ASAP1: variants seen among roughly 807,000 people sequenced by gnomAD.
The protein encoded by ASAP1 is arf-GAP with SH3 domain, ANK repeat and PH domain-containing protein 1.
Under a neutral mutation model 145.2 loss-of-function variants are expected in ASAP1, and 43 were observed. The ratio of observed to expected loss-of-function variants is 0.30; its 90% CI spans 0.23 to 0.38. ASAP1 has a LOEUF of 0.38. ASAP1 is among the 10% of genes least tolerant of loss of function. ASAP1 has a pLI of 1.00. For synonymous variants in ASAP1, 546 were observed against 515.5 expected, an observed-to-expected ratio of 1.06 and a Z score of -0.80; for missense variants, 1,018 against 1,355.3, an observed-to-expected ratio of 0.75 and a Z score of 3.91.
At chr8:130,422,472 T>C (rs1829759582) in intron 1 of ASAP1, among the ~76,000 whole-genome samples, 1 of 152,232 alleles carries the variant, frequency 6.6e-6, no homozygotes, top group Non-Finnish European at 1.5e-5. Context: ...CCCTGGGCTG[T>C]GCTTGTCTCT....
chr8:130,155,369 T>A (rs992039701), intron 12 of ASAP1, among the ~76,000 whole-genome samples: 22 of 152,154 alleles, frequency 1.4e-4, no homozygotes, highest in African/African-American at 5.3e-4. Flanking sequence ...TATTGCCTGA[T>A]CTTTTGTGTG....
chr8:130,397,770 C>T (rs547119579), intron 2 of ASAP1, among the ~76,000 whole-genome samples: 1 of 152,324 alleles, frequency 6.6e-6, no homozygotes, highest in Admixed American at 6.5e-5. Context: ...GCAGATGAGC[C>T]TGTGGGGCTG....
intron 18 of ASAP1, among the ~76,000 whole-genome samples, chr8:130,118,998 AT>A (rs2097561032): frequency 1.3e-5 from 2 of 152,258 alleles, no homozygotes; most frequent in Non-Finnish European, 2.9e-5. Flanking sequence ...AAGCATATGA[AT>A]AAATTTAAAA....
At chr8:130,265,411 A>C (rs1820181106) in intron 3 of ASAP1, among the ~76,000 whole-genome samples, 1 of 151,600 alleles carries the variant, frequency 6.6e-6, no homozygotes, top group Non-Finnish European at 1.5e-5. Context: ...TCTCAACTAA[A>C]ATTTTTAAAA....
chr8:130,318,457 C>T (rs1823800418), intron 3 of ASAP1, among the ~76,000 whole-genome samples: 1 of 152,220 alleles, frequency 6.6e-6, no homozygotes, highest in Non-Finnish European at 1.5e-5. Flanking sequence ...CTACTATTGG[C>T]AAGCACTACT....
At chr8:130,299,007 A>G (rs143801261) in intron 3 of ASAP1, among the ~76,000 whole-genome samples, 2 of 152,310 alleles carry the variant, frequency 1.3e-5, no homozygotes, top group East Asian at 3.9e-4. Context: ...AAACACAAAT[A>G]AACAAACATC....
chr8:130,110,903 G>A (rs1250620550), intron 24 of ASAP1, among the ~76,000 whole-genome samples: 1 of 152,134 alleles, frequency 6.6e-6, no homozygotes, highest in African/African-American at 2.4e-5. Flanking sequence ...GGGAGCACGA[G>A]CTGAGCACAC....
At chr8:130,262,416 AAGAGAGAGAGAGAGAGAGAG>A (rs71513089) in intron 3 of ASAP1, among the ~76,000 whole-genome samples, 37 of 57,848 alleles carry the variant, frequency 6.4e-4, no homozygotes, top group African/African-American at 2.4e-3. Context: ...AAAAAAAAAA[AAGAGAGAGAGAGAGAGAGAG>A]AGAGAGAGAG....
intron 3 of ASAP1, among the ~76,000 whole-genome samples, chr8:130,325,459 T>A (rs1824265802): frequency 6.6e-6 from 1 of 152,226 alleles, no homozygotes; most frequent in African/African-American, 2.4e-5. Context: ...GTAGCACTTA[T>A]CATATTTTGT....
At chr8:130,076,530 C>T (rs2097462721) in intron 26 of ASAP1, 124 bp from the exon 27 acceptor site, 2 of 755,942 alleles carry the variant, frequency 2.6e-6, no homozygotes, top group Non-Finnish European at 4.2e-6. Context: ...TCAAAATTTC[C>T]TTTTTTTTTG....
At chr8:130,105,906 G>A (rs1356530999) in intron 24 of ASAP1, among the ~76,000 whole-genome samples, 1 of 152,206 alleles carries the variant, frequency 6.6e-6, no homozygotes. Context: ...CTATGACACT[G>A]ATAATTAAGA....
intron 4 of ASAP1, among the ~76,000 whole-genome samples, chr8:130,216,690 C>G (rs1302726223): frequency 1.3e-5 from 2 of 152,144 alleles, no homozygotes. Context: ...TACTTTCTAT[C>G]AGCTGATAAC....
At chr8:130,159,382 G>C (rs1048307380) in intron 12 of ASAP1, among the ~76,000 whole-genome samples, 1 of 151,836 alleles carries the variant, frequency 6.6e-6, no homozygotes, top group Non-Finnish European at 1.5e-5. Context: ...CAGCACTTTG[G>C]GAGGCTGAGG....
intron 29 of ASAP1, among the ~76,000 whole-genome samples, chr8:130,055,862 C>T (rs1486065777): frequency 6.6e-6 from 1 of 152,234 alleles, no homozygotes; most frequent in Admixed American, 6.5e-5. Context: ...TGAAGGCTTG[C>T]CCACCCACCG....
At chr8:130,186,040 T>C (rs1233695325) in intron 7 of ASAP1, among the ~76,000 whole-genome samples, 1 of 152,140 alleles carries the variant, frequency 6.6e-6, no homozygotes, top group Non-Finnish European at 1.5e-5. Context: ...AAGGTTTTTT[T>C]CTTCCCCCTT....
At chr8:130,083,706 A>G (rs1018560304) in intron 25 of ASAP1, 2 of 152,266 alleles carry the variant, frequency 1.3e-5, no homozygotes, top group Admixed American at 1.3e-4. Flanking sequence ...CTTCAATGGC[A>G]TGAAACAGAA....
At chr8:130,277,978 A>G (rs1221318290) in intron 3 of ASAP1, among the ~76,000 whole-genome samples, 2 of 152,134 alleles carry the variant, frequency 1.3e-5, no homozygotes, top group Non-Finnish European at 2.9e-5. Flanking sequence ...TAGCCATGAA[A>G]GGAAGAAATC....
intron 11 of ASAP1, among the ~76,000 whole-genome samples, chr8:130,165,157 A>G (rs2097677384): frequency 6.6e-6 from 1 of 152,184 alleles, no homozygotes. Flanking sequence ...CCTTTGGCTT[A>G]TATGCAACTT....
At chr8:130,435,661 AGAG>A (rs1830287523) in intron 1 of ASAP1, among the ~76,000 whole-genome samples, 1 of 152,232 alleles carries the variant, frequency 6.6e-6, no homozygotes, top group African/African-American at 2.4e-5. Flanking sequence ...TCCCAGAATT[AGAG>A]GAGAACTGAG....
Sources: allele counts gnomAD v4.1 joint callset (sites outside exome capture counted in the v4.1 genomes callset), GRCh38; gene constraint gnomAD v4.1.1; transcripts MANE v1.5; gene names NCBI Gene and HGNC (gene_info 2026-07-23, HGNC 2026-07-21).